The following DTL variants were observed in gnomAD, a reference collection of about 807,000 sequenced individuals.
The protein encoded by DTL is denticleless E3 ubiquitin protein ligase adapter, also known as denticleless protein homolog.
A neutral mutation model predicts 87.0 loss-of-function variants in DTL; 46 were observed. The observed-to-expected ratio is 0.53, with a 90% CI of 0.42 to 0.68. The LOEUF is 0.68. DTL is among the 30% of genes least tolerant of loss of function. The pLI, the probability that DTL is intolerant of heterozygous loss-of-function variation, is 0.00. For missense variants in DTL, 737 were observed against 869.4 expected (o/e 0.85, Z 1.91); for synonymous variants, 308 against 311.2 (o/e 0.99, Z 0.11).
intron 9 of DTL, 121 bp downstream of exon 9, chr1:212,068,448 A>G (rs1251466273): frequency 1.2e-6 from 1 of 841,268 alleles, no homozygotes; most frequent in Non-Finnish European, 1.8e-6. Flanking sequence ...AAAGATAAAA[A>G]CTCAGAAGAA....
In DTL at chr1:212,104,412, C is replaced by T. The variant is rs1381662116; in HGVS notation, c.*1472C>T. 1 of 152,140 alleles carries T rather than the reference C, an allele frequency of 6.6e-6. No individual in the cohort carries two copies. Among genetic ancestry groups the T allele is most frequent in the Admixed American group, 6.5e-5 (1 of 15,272 alleles). 9.4% of individuals were successfully genotyped at this position (152,140 alleles called of 1,614,324 possible). ...AATAAAAGGAAGCCATAGAATTGCT[C>T]TGGTCAAAACCAAGCACACCATAGC... On this transcript the variant is annotated 3_prime_UTR_variant, in exon 15 of 15. Transcript: ENST00000366991.
chr1:212,094,922 A>G (rs1432194455), intron 13 of DTL, among the ~76,000 whole-genome samples: 1 of 152,144 alleles, frequency 6.6e-6, no homozygotes, highest in Non-Finnish European at 1.5e-5. Context: ...AGTACTACTG[A>G]TTTATGTACA....
intron 13 of DTL, among the ~76,000 whole-genome samples, chr1:212,097,077 A>C (rs7525895): frequency 0.32 from 48,193 of 152,084 alleles, 9,014 homozygotes; most frequent in Middle Eastern, 0.43. Context: ...TTTGAAAAAG[A>C]CTTTCATCTT....
At chr1:212,088,958 C>A (rs554969410) in intron 13 of DTL, among the ~76,000 whole-genome samples, 1 of 152,276 alleles carries the variant, frequency 6.6e-6, no homozygotes, top group East Asian at 1.9e-4. Context: ...TGGTGGCACA[C>A]GCCTGTAATC....
At chr1:212,046,260 C>CA (rs2102529442) in intron 3 of DTL, among the ~76,000 whole-genome samples, 1 of 152,252 alleles carries the variant, frequency 6.6e-6, no homozygotes, top group South Asian at 2.1e-4. Flanking sequence ...AGGGTGCTGA[C>CA]TACTGATTTT....
chr1:212,040,609 A>T (rs1054279478), intron 1 of DTL, among the ~76,000 whole-genome samples: 2 of 152,230 alleles, frequency 1.3e-5, no homozygotes, highest in African/African-American at 4.8e-5. Context: ...GAAGAGATGA[A>T]GTGAGATGAA....
rs187871841 is a variant in DTL, at chr1:212,087,712, A to G, written c.1261+6962A>G. Among the ~76,000 whole-genome samples the G allele has an allele frequency of 7.2e-5, 11 of 152,300 alleles. No individual in the cohort carries two copies. The East Asian group carries it at 2.1e-3, about 29-fold the overall frequency. ...GTTTTCAAAGGCTGGCACACTGACC[A>G]TTCGACTCTCTAAGCCAGCTTCCAG... On this transcript the variant is annotated intron_variant, in intron 13 of 14. Coordinates refer to ENST00000366991, the MANE Select transcript of DTL (RefSeq NM_016448.4).
At chr1:212,036,687 T>C (rs1667476289) in intron 1 of DTL, among the ~76,000 whole-genome samples, 1 of 152,234 alleles carries the variant, frequency 6.6e-6, no homozygotes, top group South Asian at 2.1e-4. Context: ...TTTCTTACGC[T>C]AAAACATTGG....
chr1:212,035,816 C>A lies in DTL; in HGVS notation c.-75C>A. On this transcript the variant is annotated 5_prime_UTR_variant, in exon 1 of 15. Transcript: ENST00000366991. ...ATAACGATTTGTGTTGTGAGAGGCGCAAGCTGCGATTTCTGCTGAACTTGG... is the reference window on the plus strand; with the variant it reads ...ATAACGATTTGTGTTGTGAGAGGCGAAAGCTGCGATTTCTGCTGAACTTGG... 6.9e-7 allele frequency: 1 copy of A among 1,452,998 alleles called. No homozygotes were observed. The highest frequency in any genetic ancestry group is 9.6e-7 in the Non-Finnish European group (1 of 1,038,360). The allele number at this position is 1,452,998 out of a possible 1,614,324, so 90.0% of individuals were successfully genotyped here. A position where few individuals can be genotyped will look rare whatever the true frequency, so the allele number is the denominator to read the frequency against.
intron 5 of DTL, among the ~76,000 whole-genome samples, chr1:212,048,153 TATC>T (rs754834255): frequency 1.3e-5 from 2 of 152,174 alleles, no homozygotes; most frequent in Non-Finnish European, 2.9e-5. Flanking sequence ...CCTAAAAATT[TATC>T]ATGTATTTGG....
intron 1 of DTL, among the ~76,000 whole-genome samples, chr1:212,041,936 A>C (rs17018392): frequency 0.026 from 3,994 of 152,280 alleles, 58 homozygotes; most frequent in African/African-American, 0.047. Context: ...CTGTTGATTC[A>C]TTCAGATTAT....
intron 13 of DTL, among the ~76,000 whole-genome samples, chr1:212,093,275 G>T (rs1386791611): frequency 2.0e-5 from 3 of 152,164 alleles, no homozygotes; most frequent in Non-Finnish European, 2.9e-5. Flanking sequence ...AATGTTTATA[G>T]CTCCTGAAGC....
chr1:212,102,814 C>G, intron 14 of DTL, 28 bp from the exon 15 acceptor site: 4 of 1,496,476 alleles, frequency 2.7e-6, no homozygotes, highest in Non-Finnish European at 3.7e-6. Flanking sequence ...TCAAGGAAAT[C>G]TCTGAAATCT....
chr1:212,067,030 T>C (rs1282007117), intron 8 of DTL, 145 bp downstream of exon 8: 4 of 666,650 alleles, frequency 6.0e-6, no homozygotes, highest in Admixed American at 2.9e-5. Flanking sequence ...GAGCTATAGA[T>C]CACATTGGAA....
chr1:212,072,244 A>G (rs1654695759), intron 11 of DTL, 31 bp downstream of exon 11: 1 of 1,486,068 alleles, frequency 6.7e-7, no homozygotes, highest in African/African-American at 1.4e-5. Context: ...CACAAGTGTT[A>G]GACTGAAGTA....
At chr1:212,089,314 ACCTGTTAAAAATAATGCAATGCAT>A (rs1655218594) in intron 13 of DTL, among the ~76,000 whole-genome samples, 1 of 152,188 alleles carries the variant, frequency 6.6e-6, no homozygotes. Context: ...CATGCTATGC[ACCTGTTAAAAATAATGCAATGCAT>A]CTATGTGTAC....
intron 3 of DTL, among the ~76,000 whole-genome samples, chr1:212,045,965 G>T (rs1410916327): frequency 6.6e-6 from 1 of 151,798 alleles, no homozygotes; most frequent in Non-Finnish European, 1.5e-5. Flanking sequence ...TTTTGGTAGA[G>T]ATGGGGTTTC....
chr1:212,080,860 G>A (rs941629722), intron 13 of DTL, 110 bp downstream of exon 13: 4 of 1,175,532 alleles, frequency 3.4e-6, no homozygotes, highest in Middle Eastern at 2.8e-4. Context: ...TTAAAGAAAA[G>A]CACTATCTTC....
chr1:212,084,799 G>A (rs1655081547), intron 13 of DTL, among the ~76,000 whole-genome samples: 1 of 152,000 alleles, frequency 6.6e-6, no homozygotes, highest in Admixed American at 6.6e-5. Context: ...CCTAACACAG[G>A]GTCATGATTT....
Sources: allele counts gnomAD v4.1 joint callset (sites outside exome capture counted in the v4.1 genomes callset), GRCh38; gene constraint gnomAD v4.1.1; transcripts MANE v1.5; gene names NCBI Gene and HGNC (gene_info 2026-07-23, HGNC 2026-07-21).